LIN9: variants seen among roughly 807,000 people sequenced by gnomAD.
The protein encoded by LIN9 is protein lin-9 homolog.
Under a neutral mutation model 78.0 loss-of-function variants are expected in LIN9, and 18 were observed. The observed-to-expected ratio is 0.23, with a 90% confidence interval of 0.16 to 0.34. The LOEUF is 0.34. Ranked by LOEUF, LIN9 falls within the 10% of genes least tolerant of loss-of-function variation. LIN9 has a pLI of 1.00. For missense variants in LIN9, 451 were observed against 644.1 expected (o/e 0.70, Z 3.25); for synonymous variants, 192 against 215.2 (o/e 0.89, Z 0.94).
Position 226,231,835 on chromosome 1 carries a change from T to C in LIN9, c.*666A>G, listed in dbSNP as rs548655732. On this transcript the variant is annotated 3_prime_UTR_variant, in exon 15 of 15. Coordinates refer to ENST00000681046, the MANE Select transcript of LIN9 (RefSeq NM_001366245.2). ...TTTGCACCTTTTTTCCCCCTGTTCCTTCATTTTCTTTCAACAAACAACAAA... is the reference window on the plus strand; with the variant it reads ...TTTGCACCTTTTTTCCCCCTGTTCCCTCATTTTCTTTCAACAAACAACAAA... 2.9e-5 allele frequency: 7 copies of C among 243,740 alleles called. No individual in the cohort carries two copies. In the South Asian group the frequency reaches 5.3e-4, roughly 18 times the overall value. The allele number at this position is 243,740 out of a possible 1,614,324, so 15.1% of individuals were successfully genotyped here.
At chr1:226,238,873 A>C in intron 12 of LIN9, 98 bp downstream of exon 12, 1 of 1,213,168 alleles carries the variant, frequency 8.2e-7, no homozygotes, top group Non-Finnish European at 1.2e-6. Flanking sequence ...AAAGGACTTT[A>C]TGAAGATATT....
In LIN9 at chr1:226,239,008, T is replaced by C. The variant is rs1204065998; in HGVS notation, c.1208A>G (p.Asn403Ser). The C allele has an allele frequency of 6.2e-7, 1 of 1,613,756 alleles. No homozygotes were observed. Among genetic ancestry groups the C allele is most frequent in the Non-Finnish European group, 8.5e-7 (1 of 1,179,822 alleles). ...CTGTTGAACTTTATGCAAAACTTTG[T>C]TTAGGTCCTTGTTCAGCTGTTCAAG... Reference protein sequence around the residue: ...LELEQLNKDLNKVLHKVQQYC... With the variant: ...LELEQLNKDLSKVLHKVQQYC... Residue 403 changes from asparagine to serine, a missense_variant, in exon 12 of 15, where the codon AAC (asparagine) becomes AGC (serine). By Grantham distance (46) the Asn-to-Ser change is conservative. Coordinates refer to ENST00000681046, the MANE Select transcript of LIN9 (RefSeq NM_001366245.2).
chr1:226,250,536 T>C (rs58902116), intron 11 of LIN9, among the ~76,000 whole-genome samples: 4,622 of 152,272 alleles, frequency 0.03, 229 homozygotes, highest in African/African-American at 0.1. Context: ...TTTACTGTTG[T>C]ATGTATGTAT....
intron 12 of LIN9, among the ~76,000 whole-genome samples, chr1:226,237,159 A>T (rs1051394743): frequency 6.6e-6 from 1 of 152,242 alleles, no homozygotes; most frequent in African/African-American, 2.4e-5. Flanking sequence ...TACTACAAAA[A>T]GATTGATGAG....
At chr1:226,243,047 G>A (rs926924014) in intron 11 of LIN9, among the ~76,000 whole-genome samples, 1 of 152,206 alleles carries the variant, frequency 6.6e-6, no homozygotes, top group Non-Finnish European at 1.5e-5. Flanking sequence ...AGTTTTAGGG[G>A]AGTCAAAAGG....
chr1:226,277,974 C>T, intron 6 of LIN9, 42 bp from the exon 7 acceptor site: 2 of 1,469,192 alleles, frequency 1.4e-6, no homozygotes, highest in Non-Finnish European at 9.3e-7. Context: ...ATAACTACCC[C>T]ATATAAAAAC....
chr1:226,281,281 G>A (rs1405679465), intron 6 of LIN9, among the ~76,000 whole-genome samples: 1 of 152,108 alleles, frequency 6.6e-6, no homozygotes, highest in Non-Finnish European at 1.5e-5. Context: ...AAGGGAAAAG[G>A]GAGGGGAGGA....
intron 10 of LIN9, among the ~76,000 whole-genome samples, chr1:226,257,225 CAG>C (rs1659262791): frequency 1.3e-5 from 2 of 152,136 alleles, no homozygotes; most frequent in African/African-American, 4.8e-5. Flanking sequence ...GCTAGGATCA[CAG>C]GCGTGAGCCA....
At chr1:226,309,087 G>A in intron 1 of LIN9, 22 bp downstream of exon 1, 2 of 1,310,842 alleles carry the variant, frequency 1.5e-6, no homozygotes, top group Non-Finnish European at 2.0e-6. Context: ...AAAAGGGGGG[G>A]GTGCTTTGAG....
Position 226,277,946 on chromosome 1 carries a change from T to C in LIN9, c.525-14A>G. On this transcript the variant is annotated splice_polypyrimidine_tract_variant and intron_variant, in intron 6 of 14. Transcript: ENST00000681046. ...GCAGAAGAACATCTAGAATAAATTA[T>C]AAAAAACATACAAACTGATAACTAC... 6.3e-7 allele frequency: 1 copy of C among 1,592,668 alleles called. No individual in the cohort carries two copies. Among genetic ancestry groups the C allele is most frequent in the Non-Finnish European group, 8.6e-7 (1 of 1,168,800 alleles).
intron 10 of LIN9, among the ~76,000 whole-genome samples, chr1:226,260,432 G>A (rs964470523): frequency 2.6e-5 from 4 of 152,164 alleles, no homozygotes; most frequent in South Asian, 2.1e-4. Context: ...TAGCTACTGG[G>A]AGGCTGAAGT....
intron 4 of LIN9, among the ~76,000 whole-genome samples, chr1:226,294,945 G>A (rs1374828456): frequency 2.0e-5 from 3 of 151,682 alleles, no homozygotes; most frequent in African/African-American, 4.8e-5. Context: ...GATTACAGGC[G>A]TGTGCCACTA....
intron 11 of LIN9, among the ~76,000 whole-genome samples, chr1:226,249,522 C>A (rs1347432608): frequency 6.6e-6 from 1 of 152,092 alleles, no homozygotes. Flanking sequence ...AAAAAAAATT[C>A]TATAATCCTA....
At chr1:226,233,264 T>C (rs914927221) in intron 13 of LIN9, 71 bp from the exon 14 acceptor site, 1 of 1,519,350 alleles carries the variant, frequency 6.6e-7, no homozygotes, top group South Asian at 1.2e-5. Flanking sequence ...CCTGATATAA[T>C]CAATGAATTA....
chr1:226,304,225 C>A (rs548425420), intron 1 of LIN9, among the ~76,000 whole-genome samples: 79 of 152,316 alleles, frequency 5.2e-4, no homozygotes, highest in African/African-American at 1.8e-3. Flanking sequence ...AAATTAGAAT[C>A]TTGCTCTAAC....
chr1:226,251,746 G>C (rs1187281466), intron 10 of LIN9, among the ~76,000 whole-genome samples: 3 of 152,148 alleles, frequency 2.0e-5, no homozygotes, highest in African/African-American at 7.2e-5. Flanking sequence ...CATGTCAAAA[G>C]GACTAAGGAG....
chr1:226,302,678 T>C (rs1286219107), intron 1 of LIN9, among the ~76,000 whole-genome samples: 1 of 151,962 alleles, frequency 6.6e-6, no homozygotes, highest in Admixed American at 6.6e-5. Context: ...TAATTAAGGA[T>C]GATCTCAGGG....
At chr1:226,277,226 A>G (rs977495631) in intron 7 of LIN9, among the ~76,000 whole-genome samples, 7 of 151,530 alleles carry the variant, frequency 4.6e-5, no homozygotes, top group African/African-American at 1.7e-4. Context: ...GAAAAAAAAA[A>G]AAAAAAAAAA....
At chr1:226,246,886 T>C (rs1480528748) in intron 11 of LIN9, among the ~76,000 whole-genome samples, 1 of 152,124 alleles carries the variant, frequency 6.6e-6, no homozygotes, top group African/African-American at 2.4e-5. Context: ...TGTGGCTTGT[T>C]GCCTTTTGAC....
Sources: allele counts gnomAD v4.1 joint callset (sites outside exome capture counted in the v4.1 genomes callset), GRCh38; gene constraint gnomAD v4.1.1; transcripts MANE v1.5; gene names NCBI Gene and HGNC (gene_info 2026-07-23, HGNC 2026-07-21).